Variants in LPP observed in about 807,000 individuals in gnomAD.
LPP encodes lipoma-preferred partner.
In LPP, 38 loss-of-function variants were observed where a neutral mutation model predicts 60.4. The observed-to-expected ratio is 0.63, with a 90% CI of 0.49 to 0.83. The LOEUF is 0.83. LPP is among the 40% of genes least tolerant of loss of function. The pLI is 0.00. For missense variants in LPP, 902 were observed against 783.6 expected, an observed-to-expected ratio of 1.15 and a Z score of -1.80; for synonymous variants, 328 against 290.8, an observed-to-expected ratio of 1.13 and a Z score of -1.30.
chr3:188,442,492 T>G (rs1794255233), intron 4 of LPP, among the ~76,000 whole-genome samples: 1 of 152,232 alleles, frequency 6.6e-6, no homozygotes, highest in African/African-American at 2.4e-5. Flanking sequence ...GTAGCTGCTT[T>G]GGAGCATCTA....
rs1833732209 is a variant in LPP at position 188,572,416 on chromosome 3, C to T, written c.430-36745C>T. Among the ~76,000 whole-genome samples the T allele has an allele frequency of 6.6e-6, 1 of 152,026 alleles. No individual in the cohort carries two copies. Among genetic ancestry groups the T allele is most frequent in the African/African-American group, 2.4e-5 (1 of 41,412 alleles). On this transcript the variant is annotated intron_variant, in intron 6 of 11. Transcript: ENST00000617246. The surrounding 1 kb of genome is among the most constrained non-coding windows in gnomAD (Gnocchi z 4.1). Reference sequence around the variant, plus strand: ...TAGTAAGAACTCAATAAATGTTAGACTCCTCATTAGGATTTGGGTAGAGGT... The same window carrying T: ...TAGTAAGAACTCAATAAATGTTAGATTCCTCATTAGGATTTGGGTAGAGGT...
At chr3:188,284,140 C>T (rs947583412) in intron 2 of LPP, among the ~76,000 whole-genome samples, 5 of 151,896 alleles carry the variant, frequency 3.3e-5, no homozygotes, top group Admixed American at 6.6e-5. Flanking sequence ...GCCTGTAATC[C>T]CAGCACTTTG....
At chr3:188,638,642 C>A (rs111753254) in intron 7 of LPP, among the ~76,000 whole-genome samples, 2 of 148,844 alleles carry the variant, frequency 1.3e-5, no homozygotes, top group East Asian at 3.9e-4. Context: ...AAATCTCCTT[C>A]AGCTGATAAG....
intron 4 of LPP, 86 bp from the exon 5 acceptor site, chr3:188,484,505 TA>T: frequency 1.1e-6 from 1 of 950,996 alleles, no homozygotes; most frequent in Non-Finnish European, 1.6e-6. Context: ...AAGCCAATTA[TA>T]AAAAAGTAAA....
chr3:188,501,858 A>G (rs1286711514), intron 5 of LPP, among the ~76,000 whole-genome samples: 2 of 152,214 alleles, frequency 1.3e-5, no homozygotes, highest in East Asian at 3.9e-4. Context: ...CAGAGGTTTC[A>G]GTGAGCTGAG....
At position 188,293,106 on chromosome 3, in the gene LPP, C is replaced by T. The variant is rs146356660; in HGVS notation, c.-66-48557C>T. Among the ~76,000 whole-genome samples the T allele has an allele frequency of 9.8e-5, 15 of 152,334 alleles. No individual in the cohort carries two copies. In the East Asian group the frequency reaches 2.7e-3, roughly 27 times the overall value. On this transcript the variant is annotated intron_variant, in intron 2 of 11. Transcript: ENST00000617246. Reference sequence around the variant, plus strand: ...TTAATTTTATTTGAGCTGGCATTGACTCATTCTATATGTCTCTTCTGCTAG... The same window carrying T: ...TTAATTTTATTTGAGCTGGCATTGATTCATTCTATATGTCTCTTCTGCTAG...
intron 2 of LPP, among the ~76,000 whole-genome samples, chr3:188,313,477 A>C (rs1578038332): frequency 6.6e-6 from 1 of 152,020 alleles, no homozygotes; most frequent in East Asian, 1.9e-4. Flanking sequence ...CTATCTACTA[A>C]GAATACAAAA....
intron 9 of LPP, among the ~76,000 whole-genome samples, chr3:188,852,735 C>T (rs1401267457): frequency 2.0e-5 from 3 of 152,126 alleles, no homozygotes; most frequent in African/African-American, 7.2e-5. Flanking sequence ...TTATGTTGTT[C>T]AAAAGTGACA....
intron 9 of LPP, among the ~76,000 whole-genome samples, chr3:188,780,972 A>G (rs1739443228): frequency 6.6e-6 from 1 of 152,234 alleles, no homozygotes; most frequent in Admixed American, 6.5e-5. Context: ...AGTTGTACTT[A>G]GAGCACAAAT....
intron 8 of LPP, among the ~76,000 whole-genome samples, chr3:188,738,461 A>G (rs1723277742): frequency 6.6e-6 from 1 of 152,198 alleles, no homozygotes; most frequent in Non-Finnish European, 1.5e-5. Context: ...ATGTAACTGC[A>G]GAAACCTTGT....
intron 4 of LPP, among the ~76,000 whole-genome samples, chr3:188,436,862 TG>T (rs1792441883): frequency 6.6e-6 from 1 of 151,182 alleles, no homozygotes; most frequent in South Asian, 2.1e-4. Context: ...GCAGGCAGAG[TG>T]GGGTTGGGGT....
chr3:188,796,272 G>C (rs941126399), intron 9 of LPP, among the ~76,000 whole-genome samples: 46 of 152,204 alleles, frequency 3.0e-4, no homozygotes, highest in Admixed American at 6.5e-5. Flanking sequence ...GCTGATTTGA[G>C]GAACTGAAAG....
intron 1 of LPP, among the ~76,000 whole-genome samples, chr3:188,225,175 GT>G (rs1194448392): frequency 6.6e-6 from 1 of 152,098 alleles, no homozygotes; most frequent in Admixed American, 6.6e-5. Context: ...AGATGAAGCT[GT>G]TTTCCCAGGA....
At chr3:188,507,048 C>T (rs988651857) in intron 5 of LPP, among the ~76,000 whole-genome samples, 1 of 149,974 alleles carries the variant, frequency 6.7e-6, no homozygotes, top group Non-Finnish European at 1.5e-5. Flanking sequence ...CCACCTACCT[C>T]GGCCTCCCAA....
intron 6 of LPP, among the ~76,000 whole-genome samples, chr3:188,536,541 A>T (rs1231956999): frequency 6.6e-6 from 1 of 152,258 alleles, no homozygotes; most frequent in Non-Finnish European, 1.5e-5. Flanking sequence ...ATACACATAT[A>T]TTTGCCTATA....
chr3:188,682,548 G>A (rs564401488), intron 7 of LPP, among the ~76,000 whole-genome samples: 13 of 152,256 alleles, frequency 8.5e-5, no homozygotes, highest in African/African-American at 3.1e-4. Flanking sequence ...CATTTGTTAT[G>A]GTTACCTTGG....
intron 2 of LPP, among the ~76,000 whole-genome samples, chr3:188,312,122 T>C (rs1340077335): frequency 2.6e-5 from 4 of 151,888 alleles, no homozygotes; most frequent in East Asian, 1.9e-4. Flanking sequence ...ATAAACTGGG[T>C]ATAAATAAGC....
intron 1 of LPP, among the ~76,000 whole-genome samples, chr3:188,184,368 G>A (rs992211900): frequency 2.6e-5 from 4 of 152,182 alleles, no homozygotes; most frequent in Non-Finnish European, 5.9e-5. Flanking sequence ...CAGGAGGGAA[G>A]GGAGAGCATG....
intron 4 of LPP, among the ~76,000 whole-genome samples, chr3:188,454,106 T>TA (rs918116495): frequency 1.3e-5 from 2 of 152,246 alleles, no homozygotes; most frequent in African/African-American, 2.4e-5. Flanking sequence ...CAGGTACAGT[T>TA]ACTATTCCCA....
Sources: allele counts gnomAD v4.1 joint callset (sites outside exome capture counted in the v4.1 genomes callset), GRCh38; gene constraint gnomAD v4.1.1; non-coding constraint Gnocchi (gnomAD v3.1); transcripts MANE v1.5; gene names NCBI Gene and HGNC (gene_info 2026-07-23, HGNC 2026-07-21).